DPP6: variants seen among roughly 807,000 people sequenced by gnomAD.
DPP6 encodes the protein dipeptidyl peptidase like 6, also known as A-type potassium channel modulatory protein DPP6.
In DPP6, 69 loss-of-function variants were observed where a neutral mutation model predicts 122.6. The ratio of observed to expected loss-of-function variants is 0.56; its 90% CI spans 0.46 to 0.69. DPP6 has a LOEUF of 0.69. Among genes scored for constraint, DPP6 ranks in the 30% least tolerant of loss-of-function variants. The pLI, the probability that DPP6 is intolerant of heterozygous loss-of-function variation, is 0.00. For synonymous variants in DPP6, 418 were observed against 433.1 expected (o/e 0.97, Z 0.43); for missense variants, 928 against 1,116.9 (o/e 0.83, Z 2.41).
Position 154,744,966 on chromosome 7 carries a change from G to A in DPP6, c.883+17079G>A, listed in dbSNP as rs183229303. Among the ~76,000 whole-genome samples, 20 of 152,308 alleles carry A rather than the reference G, an allele frequency of 1.3e-4. No homozygotes were observed. The East Asian group carries it at 3.3e-3, about 25-fold the overall frequency. On this transcript the variant is annotated intron_variant, in intron 8 of 25. Transcript: ENST00000377770. ...GACCTTGCTGCCTGCATTCTGTTTT[G>A]ATATGTATCTTGCCTCATTAAAAGA...
At chr7:154,779,948 A>G (rs993244739) in intron 10 of DPP6, among the ~76,000 whole-genome samples, 7 of 152,156 alleles carry the variant, frequency 4.6e-5, no homozygotes, top group Non-Finnish European at 8.8e-5. Context: ...TGTAAATTAC[A>G]ATTTCACAAA....
intron 12 of DPP6, among the ~76,000 whole-genome samples, chr7:154,800,189 T>C (rs1017228042): frequency 6.6e-6 from 1 of 152,228 alleles, no homozygotes; most frequent in Non-Finnish European, 1.5e-5. Flanking sequence ...CAACTCTAAA[T>C]AGGAAAATAA....
chr7:154,197,992 C>A (rs1421178993), intron 1 of DPP6, among the ~76,000 whole-genome samples: 15 of 152,162 alleles, frequency 9.9e-5, no homozygotes, highest in East Asian at 5.8e-4. Context: ...TTGATGACAT[C>A]ATTGTCATCT....
At chr7:154,595,052 G>T (rs1833011912) in intron 5 of DPP6, among the ~76,000 whole-genome samples, 1 of 151,588 alleles carries the variant, frequency 6.6e-6, no homozygotes, top group Non-Finnish European at 1.5e-5. Context: ...TTCATTCAAT[G>T]GTGATGGATT....
chr7:154,885,288 G>A (rs1331533093), intron 21 of DPP6: 1 of 220,374 alleles, frequency 4.5e-6, no homozygotes, highest in Admixed American at 5.3e-5. Context: ...AGACAAGGGA[G>A]GCGGTAAGAA....
chr7:154,097,021 G>A (rs2533620), intron 1 of DPP6, among the ~76,000 whole-genome samples: 7 of 151,300 alleles, frequency 4.6e-5, no homozygotes, highest in Non-Finnish European at 8.9e-5. Flanking sequence ...GTAGGTAGAG[G>A]TGATGGGATG....
intron 1 of DPP6, among the ~76,000 whole-genome samples, chr7:154,278,153 G>A (rs946291731): frequency 1.3e-5 from 2 of 152,292 alleles, no homozygotes; most frequent in East Asian, 3.9e-4. Context: ...GAGAGACAGG[G>A]AGCGTTTTTC....
intron 1 of DPP6, among the ~76,000 whole-genome samples, chr7:154,046,540 A>G (rs1001906147): frequency 5.3e-5 from 8 of 152,216 alleles, no homozygotes; most frequent in South Asian, 2.1e-4. Flanking sequence ...TGGAAATGCA[A>G]TCACATGCTC....
chr7:154,390,499 C>T (rs1038763312), intron 1 of DPP6, among the ~76,000 whole-genome samples: 5 of 152,084 alleles, frequency 3.3e-5, no homozygotes, highest in Non-Finnish European at 7.4e-5. Flanking sequence ...TGGAGAGTTT[C>T]AAGCAGAAAA....
intron 1 of DPP6, among the ~76,000 whole-genome samples, chr7:153,935,341 G>A (rs1406977679): frequency 6.6e-6 from 1 of 152,086 alleles, no homozygotes; most frequent in Admixed American, 6.5e-5. Flanking sequence ...TCTAACCCTA[G>A]CGTTAGTCAT....
At chr7:154,057,449 A>G (rs1410135825) in intron 1 of DPP6, 1 of 163,484 alleles carries the variant, frequency 6.1e-6, no homozygotes, top group Non-Finnish European at 1.3e-5. Context: ...GACTGTGGGT[A>G]TGAGGTGTTC....
At chr7:154,870,146 CTTTTTT>C (rs61457825) in intron 18 of DPP6, among the ~76,000 whole-genome samples, 47 of 121,694 alleles carry the variant, frequency 3.9e-4, no homozygotes, top group African/African-American at 1.4e-3. Flanking sequence ...CCAACTAATT[CTTTTTT>C]TTTTTTTTTT....
chr7:154,421,480 G>A (rs889263478), intron 1 of DPP6, among the ~76,000 whole-genome samples: 11 of 151,964 alleles, frequency 7.2e-5, no homozygotes, highest in African/African-American at 1.5e-4. Flanking sequence ...GCACCACCAC[G>A]CCCAGCTAAC....
intron 1 of DPP6, among the ~76,000 whole-genome samples, chr7:154,090,819 A>T: frequency 6.7e-6 from 1 of 150,056 alleles, no homozygotes; most frequent in East Asian, 1.9e-4. Flanking sequence ...TTGTGTGGCT[A>T]CTTTCAAAAT....
intron 1 of DPP6, among the ~76,000 whole-genome samples, chr7:154,002,408 A>G (rs2129046151): frequency 6.6e-6 from 1 of 152,304 alleles, no homozygotes; most frequent in African/African-American, 2.4e-5. Context: ...TCATTGCTCA[A>G]CCTTACACCC....
At chr7:154,291,519 G>C (rs1805210988) in intron 1 of DPP6, among the ~76,000 whole-genome samples, 1 of 152,138 alleles carries the variant, frequency 6.6e-6, no homozygotes, top group Non-Finnish European at 1.5e-5. Flanking sequence ...CTCTACCTCT[G>C]GAATGTGCAT....
At chr7:154,310,882 C>G (rs1806815541) in intron 1 of DPP6, among the ~76,000 whole-genome samples, 1 of 152,188 alleles carries the variant, frequency 6.6e-6, no homozygotes, top group South Asian at 2.1e-4. Flanking sequence ...TGGAAATGAG[C>G]TGTGCCTGTG....
At chr7:153,834,273 T>C in the DPP6 span, among the ~76,000 whole-genome samples, 2 of 137,690 alleles carry the variant, frequency 1.5e-5, no homozygotes, top group African/African-American at 5.7e-5. Context: ...GGTGACTCCA[T>C]CTAAAAAAAA....
At chr7:154,568,886 A>G (rs1177068494) in intron 5 of DPP6, among the ~76,000 whole-genome samples, 1 of 152,234 alleles carries the variant, frequency 6.6e-6, no homozygotes, top group African/African-American at 2.4e-5. Context: ...TTTTAAGTTG[A>G]ATAAAATAAG....
Sources: gnomAD v4.1 joint callset for allele counts (sites outside exome capture counted in the v4.1 genomes callset) on GRCh38, gnomAD v4.1.1 for gene constraint, MANE v1.5 for transcripts, NCBI Gene and HGNC (gene_info 2026-07-23, HGNC 2026-07-21) for gene names.